Variants in IFT46 observed in about 807,000 individuals in gnomAD.
IFT46 encodes intraflagellar transport 46.
In IFT46, 19 loss-of-function variants were observed where a neutral mutation model predicts 39.6. The ratio of observed to expected loss-of-function variants is 0.48; its 90% CI spans 0.33 to 0.70. The LOEUF (loss-of-function observed/expected upper bound fraction) is 0.70. Among genes scored for constraint, IFT46 ranks in the 30% least tolerant of loss-of-function variants. IFT46 has a pLI of 0.01. For missense variants in IFT46, 334 were observed against 364.8 expected (o/e 0.92, Z 0.69); for synonymous variants, 117 against 134.8 (o/e 0.87, Z 0.91).
In IFT46 at chr11:118,552,313, A is replaced by T; in HGVS notation, c.506T>A (p.Leu169Gln). 1 of 1,614,200 alleles carries T rather than the reference A, an allele frequency of 6.2e-7. No individual in the cohort carries two copies. The highest frequency in any genetic ancestry group is 1.3e-5 in the African/African-American group (1 of 75,062). The stretch of plus-strand genomic sequence containing the variant: ...TTTGGGATTCTTTTCTGCATCTTCT[A>T]GGCTTTTTACTTTCATATGTTGCTA... ...NITQHMKVKS[L>Q]EDAEKNPKAI... Residue 169 changes from leucine (L) to glutamine (Q), a missense_variant, in exon 8 of 12, where the codon CTA becomes CAA. Physicochemically the swap from Leu to Gln is moderately radical, Grantham distance 113. Transcript: ENST00000264021.
At chr11:118,549,972 G>A (rs1951777029) in intron 9 of IFT46, among the ~76,000 whole-genome samples, 2 of 148,408 alleles carry the variant, frequency 1.3e-5, no homozygotes, top group African/African-American at 5.0e-5. Context: ...TACCCAGGCT[G>A]GAGTGTAGTT....
At chr11:118,557,780 A>G in intron 3 of IFT46, 1 of 1,614,012 alleles carries the variant, frequency 6.2e-7, no homozygotes, top group Non-Finnish European at 8.5e-7. Flanking sequence ...CCACCCTCTC[A>G]AGTACATGAG....
intron 9 of IFT46, among the ~76,000 whole-genome samples, chr11:118,548,919 G>A (rs1245859177): frequency 2.7e-5 from 4 of 148,182 alleles, no homozygotes; most frequent in Non-Finnish European, 5.9e-5. Context: ...TGGAGATGGA[G>A]TCTTGCTCTA....
exon 1 of IFT46, chr11:118,572,672 C>T (rs1199919716): frequency 2.3e-6 from 3 of 1,326,478 alleles, no homozygotes; most frequent in East Asian, 5.2e-5. Context: ...AGTGCTTTTG[C>T]TCCGGGCTCG....
At chr11:118,560,748 T>A in intron 2 of IFT46, 2 of 681,552 alleles carry the variant, frequency 2.9e-6, no homozygotes, top group Admixed American at 2.1e-5. Flanking sequence ...CAAGTGAAAT[T>A]TAGAAGACGA....
intron 3 of IFT46, chr11:118,557,349 C>T (rs1555069723): frequency 5.0e-6 from 2 of 398,610 alleles, no homozygotes; most frequent in Admixed American, 4.2e-5. Context: ...TAGACAGCTT[C>T]GGCCCGAAAA....
chr11:118,549,923 G>C (rs1222370121), intron 9 of IFT46, among the ~76,000 whole-genome samples: 3 of 147,758 alleles, frequency 2.0e-5, no homozygotes, highest in African/African-American at 7.5e-5. Flanking sequence ...ACTCCATTAT[G>C]ACTTTTTTTT....
Position 118,544,552 on chromosome 11 carries a change from TA to T in IFT46, c.*363del. ...ACAATATAATAGAGCATTTGATTTA[TA>T]AAATCTTTACTCACTAACTTTACGA... On this transcript the variant is annotated 3_prime_UTR_variant, in exon 12 of 12. Transcript: ENST00000264021. The T allele has an allele frequency of 4.6e-6, 1 of 215,622 alleles. No individual in the cohort carries two copies. Among genetic ancestry groups the T allele is most frequent in the Non-Finnish European group, 9.3e-6 (1 of 108,020 alleles). 13.4% of individuals were successfully genotyped at this position (215,622 alleles called of 1,614,324 possible). A position where few individuals can be genotyped will look rare whatever the true frequency, so the allele number is the denominator to read the frequency against.
intron 4 of IFT46, among the ~76,000 whole-genome samples, chr11:118,556,474 T>C (rs1347770866): frequency 2.0e-5 from 3 of 151,688 alleles, no homozygotes; most frequent in Non-Finnish European, 2.9e-5. Context: ...GCCTGGGCGA[T>C]AGAGCAAGAC....
At chr11:118,556,353 C>T (rs1176752896) in intron 4 of IFT46, among the ~76,000 whole-genome samples, 11 of 151,820 alleles carry the variant, frequency 7.2e-5, no homozygotes, top group East Asian at 1.9e-4. Context: ...ATTAGCTGGG[C>T]GTGGTGGCGG....
chr11:118,566,874 T>C (rs1938238395), upstream of IFT46, among the ~76,000 whole-genome samples: 1 of 152,118 alleles, frequency 6.6e-6, no homozygotes, highest in Non-Finnish European at 1.5e-5. Flanking sequence ...TGAATGGAGA[T>C]GTAAGGAACA....
intron 9 of IFT46, among the ~76,000 whole-genome samples, chr11:118,549,176 G>C (rs1951763218): frequency 6.6e-6 from 1 of 151,170 alleles, no homozygotes. Context: ...TGGGATTATA[G>C]GTATGAGCCA....
At chr11:118,576,442 A>AAC (rs1209889614), upstream of IFT46, among the ~76,000 whole-genome samples, 1 of 131,402 alleles carries the variant, frequency 7.6e-6, no homozygotes, top group East Asian at 3.6e-4. Context: ...AAAAAAAAAA[A>AAC]AAAAAAACCA....
upstream of IFT46, among the ~76,000 whole-genome samples, chr11:118,569,796 G>T (rs1398019433): frequency 6.6e-6 from 1 of 152,152 alleles, no homozygotes; most frequent in Non-Finnish European, 1.5e-5. Context: ...AGTAATGGCT[G>T]GTATGCTGTA....
intron 9 of IFT46, among the ~76,000 whole-genome samples, chr11:118,547,638 T>C (rs1591358660): frequency 6.6e-6 from 1 of 151,860 alleles, no homozygotes; most frequent in African/African-American, 2.4e-5. Flanking sequence ...GCCAGGCTGG[T>C]CTCAAACTCC....
At chr11:118,562,401 C>A (rs1252042796) in intron 2 of IFT46, among the ~76,000 whole-genome samples, 1 of 151,170 alleles carries the variant, frequency 6.6e-6, no homozygotes, top group East Asian at 1.9e-4. Flanking sequence ...GATCATGCTA[C>A]CGCACTCCAG....
At chr11:118,545,574 G>T in intron 10 of IFT46, 80 bp from the exon 11 acceptor site, 2 of 1,277,890 alleles carry the variant, frequency 1.6e-6, no homozygotes, top group Non-Finnish European at 2.3e-6. Context: ...CACAGGCAAA[G>T]CCCTGGCAGA....
chr11:118,572,770 C>T, exon 1 of IFT46: 2 of 496,640 alleles, frequency 4.0e-6, no homozygotes, highest in Non-Finnish European at 7.2e-6. Context: ...GCTTCCGCAC[C>T]ACCCCCCAAC....
intron 6 of IFT46, among the ~76,000 whole-genome samples, 195 bp downstream of exon 6, chr11:118,554,795 G>C (rs1439491274): frequency 6.6e-6 from 1 of 152,204 alleles, no homozygotes; most frequent in Non-Finnish European, 1.5e-5. Flanking sequence ...ATGACAAACT[G>C]TTAATGTGTA....
Sources: allele counts gnomAD v4.1 joint callset (sites outside exome capture counted in the v4.1 genomes callset), GRCh38; gene constraint gnomAD v4.1.1; transcripts MANE v1.5; gene names NCBI Gene and HGNC (gene_info 2026-07-23, HGNC 2026-07-21).